Variants in COL6A5 observed in about 807,000 individuals in gnomAD.
COL6A5 encodes the protein collagen alpha-5(VI) chain.
A neutral mutation model predicts 65.6 loss-of-function variants in COL6A5; 48 were observed. That is an observed-to-expected ratio of 0.73 (90% CI 0.58 to 0.93). The LOEUF (loss-of-function observed/expected upper bound fraction) is 0.93. Ranked by LOEUF, COL6A5 falls within the 40% of genes least tolerant of loss-of-function variation. The pLI, the probability that COL6A5 is intolerant of heterozygous loss-of-function variation, is 0.00. For synonymous variants in COL6A5, 291 were observed against 322.8 expected, an observed-to-expected ratio of 0.90 and a Z score of 1.05; for missense variants, 914 against 928.3, an observed-to-expected ratio of 0.98 and a Z score of 0.20.
intron 2 of COL6A5, among the ~76,000 whole-genome samples, chr3:130,375,884 A>T (rs1577442441): frequency 6.6e-6 from 1 of 152,200 alleles, no homozygotes; most frequent in East Asian, 1.9e-4. Flanking sequence ...CCCATGACAC[A>T]TGGGGATTAT....
intron 1 of COL6A5, among the ~76,000 whole-genome samples, chr3:130,373,279 T>C (rs1935633257): frequency 6.6e-6 from 1 of 152,192 alleles, no homozygotes. Flanking sequence ...TGTGGATCGA[T>C]CTACCTCTTA....
intron 2 of COL6A5, among the ~76,000 whole-genome samples, chr3:130,375,331 A>G (rs909763436): frequency 6.6e-6 from 1 of 152,134 alleles, no homozygotes; most frequent in Admixed American, 6.5e-5. Flanking sequence ...GGGTAGCACA[A>G]AAAACTGGCC....
chr3:130,395,047 A>G (rs1936545802), exon 8 of COL6A5: 1 of 1,551,528 alleles, frequency 6.4e-7, no homozygotes, highest in African/African-American at 1.4e-5. Flanking sequence ...CTCAATTTGG[A>G]AGCAACTACC....
In COL6A5 at chr3:130,380,194, C is replaced by G. The variant is rs563544523; in HGVS notation, c.1300+144C>G. The stretch of plus-strand genomic sequence containing the variant: ...GTTCTAAAGCTGGATTTTGGTGATG[C>G]CCATACAACTTCAAACATTTGCCAA... On this transcript the variant is annotated intron_variant and NMD_transcript_variant, in intron 4 of 41. Coordinates refer to the COL6A5 transcript ENST00000312481. The G allele has an allele frequency of 4.8e-5, 30 of 624,042 alleles. No individual in the cohort carries two copies. The South Asian group carries it at 9.1e-4, about 19-fold the overall frequency. The allele number at this position is 624,042 out of a possible 1,614,324, so 38.7% of individuals were successfully genotyped here.
intron 7 of COL6A5, among the ~76,000 whole-genome samples, chr3:130,392,055 C>G (rs1936421720): frequency 6.6e-6 from 1 of 152,196 alleles, no homozygotes; most frequent in Non-Finnish European, 1.5e-5. Context: ...TCATATTCAC[C>G]TTACCCCAAG....
intron 1 of COL6A5, among the ~76,000 whole-genome samples, chr3:130,437,796 G>T (rs1305814122): frequency 6.6e-6 from 1 of 151,744 alleles, no homozygotes; most frequent in African/African-American, 2.4e-5. Context: ...CCTCTTCTTT[G>T]AATTTTTGCT....
intron 1 of COL6A5, among the ~76,000 whole-genome samples, chr3:130,367,156 A>G (rs1287520851): frequency 6.6e-6 from 1 of 152,238 alleles, no homozygotes; most frequent in Non-Finnish European, 1.5e-5. Context: ...TTATTTGTTT[A>G]GGTTTTAGGA....
intron 5 of COL6A5, among the ~76,000 whole-genome samples, chr3:130,462,081 A>G (rs1709715751): frequency 6.6e-6 from 1 of 152,112 alleles, no homozygotes. Context: ...CAGGTAGATG[A>G]GGGAAGAGGA....
intron 5 of COL6A5, among the ~76,000 whole-genome samples, chr3:130,456,115 C>A (rs2107600930): frequency 6.6e-6 from 1 of 152,174 alleles, no homozygotes; most frequent in Non-Finnish European, 1.5e-5. Flanking sequence ...TTTAAAATGA[C>A]TTTTTAAAGT....
At chr3:130,409,878 T>C (rs1937116372) in intron 18 of COL6A5, 131 bp from the exon 19 acceptor site, 1 of 579,432 alleles carries the variant, frequency 1.7e-6, no homozygotes, top group Non-Finnish European at 3.1e-6. Flanking sequence ...CCTGTGAGTT[T>C]CGAATATGAA....
intron 11 of COL6A5, among the ~76,000 whole-genome samples, chr3:130,401,522 C>A (rs974889781): frequency 6.6e-6 from 1 of 152,228 alleles, no homozygotes; most frequent in Non-Finnish European, 1.5e-5. Flanking sequence ...CATCCACATA[C>A]TGGATGCCCT....
exon 22 of COL6A5, chr3:130,414,111 GAAGGATTAC>G: frequency 6.4e-7 from 1 of 1,550,806 alleles, no homozygotes; most frequent in African/African-American, 1.4e-5. Context: ...ATTGGGAGCT[GAAGGATTAC>G]AAGGCCCACA....
chr3:130,414,093 A>G, exon 22 of COL6A5: 3 of 1,550,986 alleles, frequency 1.9e-6, no homozygotes, highest in East Asian at 4.9e-5. Context: ...TCCTGGACCT[A>G]CAGGCACATT....
intron 2 of COL6A5, 30 bp from the exon 3 acceptor site, chr3:130,376,205 CTT>C (rs1559865218): frequency 6.5e-7 from 1 of 1,535,610 alleles, no homozygotes; most frequent in South Asian, 1.3e-5. Context: ...TGAATGATAA[CTT>C]TGTTTTTGCT....
rs570192182 is a variant in COL6A5, at chr3:130,465,143, T to C, written c.1545-3652T>C. Among the ~76,000 whole-genome samples the C allele has an allele frequency of 2.6e-5, 4 of 152,158 alleles. No homozygotes were observed. In the East Asian group the frequency reaches 5.8e-4, roughly 22 times the overall value. The stretch of plus-strand genomic sequence containing the variant: ...TGCTCCAGCTTATAGCCTTGAGTGT[T>C]TTCAGGACATGGTACAAGAAGAGGG... On this transcript the variant is annotated intron_variant, in intron 5 of 7. Coordinates refer to ENST00000512836, the Ensembl canonical transcript of COL6A5.
chr3:130,438,395 GAGTGAA>G (rs1709089417), intron 1 of COL6A5, among the ~76,000 whole-genome samples: 2 of 141,310 alleles, frequency 1.4e-5, no homozygotes, highest in Non-Finnish European at 3.2e-5. Context: ...TTGAATGAAT[GAGTGAA>G]TGAGTGAATG....
chr3:130,440,971 C>A, intron 3 of COL6A5, 146 bp downstream of exon 35: 1 of 704,550 alleles, frequency 1.4e-6, no homozygotes, highest in Admixed American at 2.9e-5. Flanking sequence ...GGATCATTTG[C>A]TGGTTATACC....
intron 4 of COL6A5, among the ~76,000 whole-genome samples, chr3:130,445,812 C>G (rs1709291297): frequency 6.6e-6 from 1 of 152,078 alleles, no homozygotes; most frequent in South Asian, 2.1e-4. Context: ...GCCAGAGGAG[C>G]AATTGTTTTT....
intron 1 of COL6A5, among the ~76,000 whole-genome samples, chr3:130,356,524 G>T (rs992435280): frequency 1.3e-5 from 2 of 151,094 alleles, no homozygotes; most frequent in Admixed American, 1.3e-4. Flanking sequence ...AAAAGTAAAA[G>T]TAATAGCAAA....
Sources: allele counts gnomAD v4.1 joint callset (sites outside exome capture counted in the v4.1 genomes callset), GRCh38; gene constraint gnomAD v4.1.1; transcripts MANE v1.5; gene names NCBI Gene and HGNC (gene_info 2026-07-23, HGNC 2026-07-21).